Variants in LARGE1 observed in about 807,000 individuals in gnomAD.
LARGE1 encodes the protein xylosyl- and glucuronyltransferase LARGE1.
A neutral mutation model predicts 87.6 loss-of-function variants in LARGE1; 43 were observed. The ratio of observed to expected loss-of-function variants is 0.49; its 90% confidence interval spans 0.38 to 0.63. LARGE1 has a LOEUF of 0.63. LARGE1 is among the 30% of genes least tolerant of loss of function. The pLI, the probability that LARGE1 is intolerant of heterozygous loss-of-function variation, is 0.00. For missense variants in LARGE1, 802 were observed against 1,000.2 expected (o/e 0.80, Z 2.67); for synonymous variants, 434 against 394.6 (o/e 1.10, Z -1.18).
At chr22:33,133,281 T>A in the LARGE1 span, among the ~76,000 whole-genome samples, 9 of 152,182 alleles carry the variant, frequency 5.9e-5, no homozygotes, top group Non-Finnish European at 1.3e-4. Context: ...GCTGCACCCA[T>A]CAACCCGTCA....
intron 2 of LARGE1, among the ~76,000 whole-genome samples, chr22:33,738,243 G>A (rs1290994145): frequency 6.6e-6 from 1 of 152,168 alleles, no homozygotes; most frequent in East Asian, 1.9e-4. Flanking sequence ...CCCCAACCCA[G>A]GTGTGCTCAA....
At chr22:33,749,198 T>G (rs571466782) in intron 2 of LARGE1, among the ~76,000 whole-genome samples, 2 of 152,164 alleles carry the variant, frequency 1.3e-5, no homozygotes, top group Non-Finnish European at 2.9e-5. Flanking sequence ...CACCGCAACC[T>G]CCGCCTCCTG....
At chr22:33,542,369 C>G (rs763815210) in intron 6 of LARGE1, among the ~76,000 whole-genome samples, 2 of 151,782 alleles carry the variant, frequency 1.3e-5, no homozygotes, top group Non-Finnish European at 2.9e-5. Flanking sequence ...GTCATTCTTC[C>G]TCACTCTGTG....
chr22:33,865,833 T>C (rs13058469), intron 1 of LARGE1, among the ~76,000 whole-genome samples: 4 of 23,834 alleles, frequency 1.7e-4, no homozygotes, highest in Middle Eastern at 8.8e-3. Flanking sequence ...GCTGTTATTC[T>C]TTTTTTTTTT....
intron 6 of LARGE1, among the ~76,000 whole-genome samples, chr22:33,473,460 C>T (rs2068939794): frequency 6.6e-6 from 1 of 152,220 alleles, no homozygotes. Context: ...AGTGATTCTC[C>T]CGCCTCAGCC....
At chr22:33,756,018 G>C (rs1256377764) in intron 2 of LARGE1, among the ~76,000 whole-genome samples, 1 of 152,182 alleles carries the variant, frequency 6.6e-6, no homozygotes, top group Non-Finnish European at 1.5e-5. Flanking sequence ...AAAAAGAACT[G>C]AATAGTGGGC....
chr22:33,449,930 T>C (rs2067843984), intron 6 of LARGE1, among the ~76,000 whole-genome samples: 1 of 152,112 alleles, frequency 6.6e-6, no homozygotes, highest in Non-Finnish European at 1.5e-5. Flanking sequence ...CTTTTTTTTT[T>C]TTGAGAAGTC....
intron 2 of LARGE1, among the ~76,000 whole-genome samples, chr22:33,704,004 T>C (rs1471310576): frequency 6.6e-6 from 1 of 152,222 alleles, no homozygotes; most frequent in Non-Finnish European, 1.5e-5. Flanking sequence ...AGCCTGAGTT[T>C]AAGTTTTATC....
At chr22:33,406,803 A>T (rs2066115692) in intron 7 of LARGE1, among the ~76,000 whole-genome samples, 3 of 152,082 alleles carry the variant, frequency 2.0e-5, no homozygotes, top group Admixed American at 2.0e-4. Flanking sequence ...TTATTTATTT[A>T]TTTTTTGAGA....
rs1309717571 is a variant in LARGE1, at chr22:33,761,569, G to A, written c.-82-11C>T. 1 of 971,150 alleles carries A rather than the reference G, an allele frequency of 1.0e-6. No homozygotes were observed. The highest frequency in any genetic ancestry group is 1.6e-6 in the Non-Finnish European group (1 of 606,384). The allele number at this position is 971,150 out of a possible 1,614,324, so 60.2% of individuals were successfully genotyped here. On this transcript the variant is annotated splice_polypyrimidine_tract_variant and intron_variant, in intron 1 of 14. Transcript: ENST00000397394. ...CCCTCATAATACTCTCTGAAAGGAA[G>A]AGCAAAGAGGAAGGCCTGAGTTCTT...
At chr22:33,399,599 A>G (rs558460308) in intron 7 of LARGE1, among the ~76,000 whole-genome samples, 10 of 152,190 alleles carry the variant, frequency 6.6e-5, no homozygotes, top group Non-Finnish European at 1.3e-4. Flanking sequence ...CCCAGGCTGG[A>G]GTGCAATGGT....
intron 3 of LARGE1, among the ~76,000 whole-genome samples, chr22:33,629,062 A>G (rs1459619640): frequency 6.6e-6 from 1 of 152,142 alleles, no homozygotes; most frequent in African/African-American, 2.4e-5. Flanking sequence ...GTTTTCTGGT[A>G]CCTTTTTTTC....
chr22:33,825,389 AATAAAGACATACCCGAGACTGGGTAATT>A (rs372757596), intron 1 of LARGE1, among the ~76,000 whole-genome samples: 2,791 of 126,392 alleles, frequency 0.022, 74 homozygotes, highest in African/African-American at 0.069. Flanking sequence ...GGTAATTGCT[AATAAAGACATACCCGAGACTGGGTAATT>A]ATAAAGGAAA....
At chr22:33,272,198 A>C (rs1928303653), downstream of LARGE1, among the ~76,000 whole-genome samples, 1 of 152,368 alleles carries the variant, frequency 6.6e-6, no homozygotes, top group Admixed American at 6.5e-5. Flanking sequence ...ACTTGGCTCA[A>C]GTAGCTGGTA....
chr22:33,852,328 A>G (rs1161501719), intron 1 of LARGE1, among the ~76,000 whole-genome samples: 2 of 152,026 alleles, frequency 1.3e-5, no homozygotes, highest in Non-Finnish European at 2.9e-5. Context: ...TTTTCCTGCC[A>G]TCAACTGTGG....
At chr22:33,202,255 C>A (rs1432740528) in intron 11 of LARGE1, among the ~76,000 whole-genome samples, 1 of 152,184 alleles carries the variant, frequency 6.6e-6, no homozygotes. Context: ...TAGAAACTGG[C>A]CCCTAACAGG....
intron 12 of LARGE1, among the ~76,000 whole-genome samples, chr22:33,301,776 ACT>A (rs1232437071): frequency 2.6e-5 from 4 of 152,334 alleles, no homozygotes; most frequent in African/African-American, 9.6e-5. Context: ...ACCTCAAGTG[ACT>A]CTGCATTAAG....
At chr22:33,128,266 A>G in the LARGE1 span, among the ~76,000 whole-genome samples, 1 of 152,210 alleles carries the variant, frequency 6.6e-6, no homozygotes, top group Non-Finnish European at 1.5e-5. Flanking sequence ...TACCCAAAGG[A>G]ATAGAAATCA....
At chr22:33,515,755 A>G (rs1202458223) in intron 6 of LARGE1, among the ~76,000 whole-genome samples, 2 of 152,202 alleles carry the variant, frequency 1.3e-5, no homozygotes, top group African/African-American at 4.8e-5. Flanking sequence ...TGGATCTTAC[A>G]AAAGGCTTCC....
Sources: allele counts gnomAD v4.1 joint callset (sites outside exome capture counted in the v4.1 genomes callset), GRCh38; gene constraint gnomAD v4.1.1; transcripts MANE v1.5; gene names NCBI Gene and HGNC (gene_info 2026-07-23, HGNC 2026-07-21).